The following SPSB3 variants were observed in gnomAD, a reference collection of about 807,000 sequenced individuals.
SPSB3 encodes the protein splA/ryanodine receptor domain and SOCS box containing 3, also known as SPRY domain-containing SOCS box protein 3.
A neutral mutation model predicts 29.5 loss-of-function variants in SPSB3; 18 were observed. That is an observed-to-expected ratio of 0.61 (90% CI 0.42 to 0.91). The LOEUF (loss-of-function observed/expected upper bound fraction) is 0.91, where lower values mean the gene tolerates loss of function less well. Among genes scored for constraint, SPSB3 ranks in the 40% least tolerant of loss-of-function variants. SPSB3 has a pLI of 0.00. For missense variants in SPSB3, 540 were observed against 507.5 expected (o/e 1.06, Z -0.61); for synonymous variants, 299 against 214.1 (o/e 1.40, Z -3.46).
chr16:1,781,585 G>T, intron 1 of SPSB3, 90 bp from the exon 2 acceptor site: 2 of 1,398,202 alleles, frequency 1.4e-6, no homozygotes, highest in Middle Eastern at 2.6e-4. Flanking sequence ...CACTCAAAGT[G>T]GGGACTGCAG....
In SPSB3 at chr16:1,781,371, T is replaced by C. The variant is rs1406785259; in HGVS notation, c.113A>G (p.Asp38Gly). ...GCTGGAACCTACCTGCCCATCAGAGTCGTAGCCCCAGTTAGTGGAGCCTGC... is the reference window on the plus strand; with the variant it reads ...GCTGGAACCTACCTGCCCATCAGAGCCGTAGCCCCAGTTAGTGGAGCCTGC... ...ALAGSTNWGY[D>G]SDGQHSDSDS... Residue 38 changes from aspartate (D) to glycine (G), a missense_variant, in exon 2 of 7, where the codon GAC (aspartate) becomes GGC (glycine). Asp to Gly is a moderately conservative substitution (Grantham distance 94). Coordinates refer to ENST00000566339, the MANE Select transcript of SPSB3 (RefSeq NM_080861.4). 4 of 1,612,432 alleles carry C rather than the reference T, an allele frequency of 2.5e-6. No individual in the cohort carries two copies. The highest frequency in any genetic ancestry group is 1.3e-5 in the African/African-American group (1 of 74,770).
At position 1,778,575 on chromosome 16, in the gene SPSB3, A is replaced by G. The variant is rs775048842; in HGVS notation, c.164T>C (p.Leu55Pro). 1.3e-6 allele frequency: 2 copies of G among 1,593,078 alleles called. No homozygotes were observed. The highest frequency in any genetic ancestry group is 1.7e-6 in the Non-Finnish European group (2 of 1,166,500). Residue 55 changes from leucine (L) to proline (P), a missense_variant, in exon 3 of 7, where the codon CTG (leucine) becomes CCG (proline). Physicochemically the swap from Leu to Pro is moderately conservative, Grantham distance 98. Coordinates refer to ENST00000566339, the MANE Select transcript of SPSB3 (RefSeq NM_080861.4). ...DSDSDPEYST[L>P]PPSIPSAVPV... ...CACCGCACTGGGGATGGATGGCGGC[A>G]GCGTGGAGTACTCGGGGTCGGAGTC...
rs147662376 is a variant in SPSB3 at position 1,777,852 on chromosome 16, C to G, written c.616G>C (p.Asp206His). The change falls in exon 6 of 7, where the codon GAC (aspartate) becomes CAC (histidine). Residue 206 changes from aspartate to histidine, a missense_variant. By Grantham distance (81) the Asp-to-His change is moderately conservative (BLOSUM62 -1). Coordinates refer to ENST00000566339, the MANE Select transcript of SPSB3 (RefSeq NM_080861.4). ...SYTGLLHHKG[D>H]KTSFSSRFGQ... is the part of the protein sequence containing the mutation. ...AACCGCGATGAGAAGCTGGTCTTGT[C>G]GCCCTTGTGGTGGAGGAGGCCTGGG... The G allele has an allele frequency of 1.2e-6, 2 of 1,612,634 alleles. No homozygotes were observed. The highest frequency in any genetic ancestry group is 4.5e-5 in the East Asian group (2 of 44,872).
chr16:1,781,168 C>T (rs1320300562), intron 2 of SPSB3, 190 bp downstream of exon 2: 11 of 1,532,560 alleles, frequency 7.2e-6, no homozygotes, highest in South Asian at 4.8e-5. Context: ...CTGTGTGTGT[C>T]CTTTGCCAAA....
Position 1,777,884 on chromosome 16 carries a change from C to T in SPSB3, c.596-12G>A. Reference sequence around the variant, plus strand: ...GTGGTGGAGGAGGCCTGGGGGCAGCCAGGGTCGCAGTGAGCCCGGGAGCTC... The same window carrying T: ...GTGGTGGAGGAGGCCTGGGGGCAGCTAGGGTCGCAGTGAGCCCGGGAGCTC... On this transcript the variant is annotated splice_polypyrimidine_tract_variant and intron_variant, in intron 5 of 6. Transcript: ENST00000566339. 1 of 1,612,048 alleles carries T rather than the reference C, an allele frequency of 6.2e-7. No individual in the cohort carries two copies. Among genetic ancestry groups the T allele is most frequent in the Non-Finnish European group, 8.5e-7 (1 of 1,179,686 alleles).
At chr16:1,780,514 C>A (rs28679518) in intron 2 of SPSB3, 3 of 152,652 alleles carry the variant, frequency 2.0e-5, no homozygotes, top group African/African-American at 7.2e-5. Flanking sequence ...AGACAAACAC[C>A]TGAGCTGTTC....
At position 1,781,407 on chromosome 16, in the gene SPSB3, G is replaced by A. The variant is rs1287124752; in HGVS notation, c.77C>T (p.Ala26Val). 6.2e-7 allele frequency: 1 copy of A among 1,612,850 alleles called. No homozygotes were observed. Among genetic ancestry groups the A allele is most frequent in the South Asian group, 1.1e-5 (1 of 91,076 alleles). The change falls in exon 2 of 7, where the codon GCC (alanine) becomes GTC (valine). Residue 26 changes from alanine to valine, a missense_variant. Transcript: ENST00000566339. Reference sequence around the variant, plus strand: ...GTTAGTGGAGCCTGCTAGAGCCACGGCCCGGGCATCTGCGTCTCGGCGGGC... The same window carrying A: ...GTTAGTGGAGCCTGCTAGAGCCACGACCCGGGCATCTGCGTCTCGGCGGGC... ...SAARRDADAR[A>V]VALAGSTNWG...
rs1053256477 is a variant in SPSB3 at position 1,777,007 on chromosome 16, G to A, written c.*90C>T. On this transcript the variant is annotated 3_prime_UTR_variant, in exon 7 of 7. Transcript: ENST00000566339. ...GACGGGCCTCATCCAACTCCGCCCT[G>A]GAGTGTGGCTGGAAGGAAGGGACAG... 2.1e-6 allele frequency: 3 copies of A among 1,455,880 alleles called. No homozygotes were observed. The highest frequency in any genetic ancestry group is 1.9e-6 in the Non-Finnish European group (2 of 1,071,618). The allele number at this position is 1,455,880 out of a possible 1,614,324, so 90.2% of individuals were successfully genotyped here.
chr16:1,780,844 C>G (rs1182526925), intron 2 of SPSB3: 2 of 302,712 alleles, frequency 6.6e-6, no homozygotes, highest in Non-Finnish European at 1.3e-5. Context: ...GCAATCCTCC[C>G]AGCTCAGCCT....
Position 1,781,506 on chromosome 16 carries a change from A to T in SPSB3, c.-12-11T>A, listed in dbSNP as rs771161949. 2.1e-5 allele frequency: 34 copies of T among 1,609,372 alleles called. 2 individuals carry two copies. In the South Asian group the frequency reaches 3.7e-4, roughly 18 times the overall value. On this transcript the variant is annotated splice_polypyrimidine_tract_variant and intron_variant, in intron 1 of 6. Coordinates refer to ENST00000566339, the MANE Select transcript of SPSB3 (RefSeq NM_080861.4). ...CATGGTGGAAAGAATCTAGAAGAAA[A>T]CACAGGCTCTGGGCAAAGGAAGACT...
rs560720142 is a variant in SPSB3 at position 1,777,031 on chromosome 16, A to G, written c.*66T>C. On this transcript the variant is annotated 3_prime_UTR_variant, in exon 7 of 7. Coordinates refer to ENST00000566339, the MANE Select transcript of SPSB3 (RefSeq NM_080861.4). ...TGGAGTGTGGCTGGAAGGAAGGGAC[A>G]GAGAAAGAAGGGACAGAGGAAAGGG... is the stretch of plus-strand genomic sequence containing the variant. The G allele has an allele frequency of 2.0e-6, 3 of 1,532,916 alleles. No homozygotes were observed. In the African/African-American group the frequency reaches 4.1e-5, roughly 21 times the overall value. The allele number at this position is 1,532,916 out of a possible 1,614,324, so 95.0% of individuals were successfully genotyped here. A position where few individuals can be genotyped will look rare whatever the true frequency, so the allele number is the denominator to read the frequency against.
chr16:1,777,835 T>C lies in SPSB3; in HGVS notation c.633A>G (p.Ser211=), dbSNP rs1178432. The change falls in exon 6 of 7, where the codon TCA becomes TCG. Residue 211 remains serine, a synonymous_variant. Transcript: ENST00000566339. ...LHHKGDKTSF[S]SRFGQGSIIG... ...TGATGGAGCCCTGGCCGAACCGCGA[T>C]GAGAAGCTGGTCTTGTCGCCCTTGT... 1,393,674 of 1,612,578 alleles carry C rather than the reference T, an allele frequency of 0.86. 604,410 individuals are homozygous for C. The highest frequency in any genetic ancestry group is 0.96 in the African/African-American group (71,976 of 75,026).
In SPSB3 at chr16:1,777,801, G is replaced by C. The variant is rs1480822388; in HGVS notation, c.667C>G (p.His223Asp). 6 of 1,612,788 alleles carry C rather than the reference G, an allele frequency of 3.7e-6. No homozygotes were observed. Among genetic ancestry groups the C allele is most frequent in the Non-Finnish European group, 5.1e-6 (6 of 1,179,916 alleles). The change falls in exon 6 of 7, where the codon CAC (histidine) becomes GAC (aspartate). Residue 223 changes from histidine (H) to aspartate (D), a missense_variant. By Grantham distance (81) the His-to-Asp change is moderately conservative. Coordinates refer to ENST00000566339, the MANE Select transcript of SPSB3 (RefSeq NM_080861.4). ...RFGQGSIIGV[H>D]LDTWHGTLTF... ...AGTGTGCCGTGCCAGGTGTCCAGGT[G>C]CACGCCAATGATGGAGCCCTGGCCG...
At chr16:1,782,353 G>A (rs958080633) in intron 1 of SPSB3, 149 bp downstream of exon 1, 4 of 151,768 alleles carry the variant, frequency 2.6e-5, no homozygotes, top group East Asian at 1.9e-4. Context: ...CGCGGGTTCC[G>A]GAGTCGGCGG....
intron 2 of SPSB3, chr16:1,781,041 G>A (rs950324195): frequency 2.3e-5 from 17 of 738,824 alleles, no homozygotes; most frequent in Non-Finnish European, 3.4e-5. Flanking sequence ...CCCCGTAGTG[G>A]AGAATTTCTG....
chr16:1,777,028 G>T lies in SPSB3; in HGVS notation c.*69C>A. 2 of 1,526,588 alleles carry T rather than the reference G, an allele frequency of 1.3e-6. No homozygotes were observed. 94.6% of individuals were successfully genotyped at this position (1,526,588 alleles called of 1,614,324 possible). A position where few individuals can be genotyped will look rare whatever the true frequency, so the allele number is the denominator to read the frequency against. On this transcript the variant is annotated 3_prime_UTR_variant, in exon 7 of 7. Transcript: ENST00000566339. The stretch of plus-strand genomic sequence containing the variant: ...CCCTGGAGTGTGGCTGGAAGGAAGG[G>T]ACAGAGAAAGAAGGGACAGAGGAAA...
intron 1 of SPSB3, chr16:1,781,961 C>G (rs4457994): frequency 5.2e-6 from 1 of 193,104 alleles, no homozygotes; most frequent in South Asian, 7.6e-5. Flanking sequence ...CCACCGTCTC[C>G]TGGGCCGCGC....
At position 1,777,214 on chromosome 16, in the gene SPSB3, C is replaced by T. The variant is rs372569738; in HGVS notation, c.951G>A (p.Leu317=). The T allele has an allele frequency of 2.5e-5, 41 of 1,610,590 alleles. No homozygotes were observed. The highest frequency in any genetic ancestry group is 1.9e-4 in the African/African-American group (14 of 74,942). Residue 317 remains leucine (L), a synonymous_variant, in exon 7 of 7, where the codon CTG becomes CTA. Transcript: ENST00000566339. ...CCTTGCGGCGGCTGCAACTCATGCT[C>T]AGGACCCAGCCCAGCTTGTTGTGTA... is the stretch of plus-strand genomic sequence containing the variant. ...QVLHNKLGWV[L]SMSCSRRKAP...
At chr16:1,781,054 G>A in intron 2 of SPSB3, 1 of 899,152 alleles carries the variant, frequency 1.1e-6, no homozygotes, top group South Asian at 1.6e-5. Flanking sequence ...AATTTCTGTT[G>A]AATGAACCAA....
Sources: gnomAD v4.1 joint callset for allele counts on GRCh38, gnomAD v4.1.1 for gene constraint, MANE v1.5 for transcripts, NCBI Gene and HGNC (gene_info 2026-07-23, HGNC 2026-07-21) for gene names.